PHACTR1: variants seen among roughly 807,000 people sequenced by gnomAD.
The protein encoded by PHACTR1 is phosphatase and actin regulator 1.
In PHACTR1, 16 loss-of-function variants were observed where a neutral mutation model predicts 69.2. The ratio of observed to expected loss-of-function variants is 0.23; its 90% confidence interval spans 0.16 to 0.35. The LOEUF (loss-of-function observed/expected upper bound fraction) is 0.35. PHACTR1 is among the 10% of genes least tolerant of loss of function. PHACTR1 has a pLI of 1.00. For synonymous variants in PHACTR1, 312 were observed against 284.5 expected, an observed-to-expected ratio of 1.10 and a Z score of -0.97; for missense variants, 510 against 734.7, an observed-to-expected ratio of 0.69 and a Z score of 3.54.
intron 5 of PHACTR1, among the ~76,000 whole-genome samples, chr6:13,069,039 A>G (rs1225839203): frequency 6.6e-6 from 1 of 152,204 alleles, no homozygotes; most frequent in Non-Finnish European, 1.5e-5. Flanking sequence ...ACAAAACCAC[A>G]GAGACAGATG....
In PHACTR1 at chr6:13,026,204, G is replaced by A. The variant is rs116459726; in HGVS notation, c.251-27161G>A. ...AAAGCAAGTATGGCTTATTTTTATT[G>A]CAGAAATCTAAGAGTGCAATTCCTG... On this transcript the variant is annotated intron_variant, in intron 4 of 14. Transcript: ENST00000332995. Among the ~76,000 whole-genome samples, 817 of 152,252 alleles carry A rather than the reference G, an allele frequency of 5.4e-3. 11 individuals carry two copies. The highest frequency in any genetic ancestry group is 0.019 in the African/African-American group (783 of 41,546).
rs1766342536 is a variant in PHACTR1 at position 12,749,807 on chromosome 6, C to CG, written c.250+18dup. 1 of 1,569,102 alleles carries CG rather than the reference C, an allele frequency of 6.4e-7. No homozygotes were observed. Among genetic ancestry groups the CG allele is most frequent in the African/African-American group, 1.3e-5 (1 of 74,122 alleles). On this transcript the variant is annotated intron_variant, in intron 4 of 14. Coordinates refer to ENST00000332995, the MANE Select transcript of PHACTR1 (RefSeq NM_030948.6). ...TGGGGGCAGGTAAGAACGCCCCTGG[C>CG]GCCGCGCCCCCGCCCCCGCCCTGCT...
At chr6:13,007,287 C>A (rs569053394) in intron 4 of PHACTR1, among the ~76,000 whole-genome samples, 55 of 152,148 alleles carry the variant, frequency 3.6e-4, no homozygotes, top group African/African-American at 1.2e-3. Context: ...GTGTCTAAAT[C>A]TGCCAAAAAG....
chr6:13,142,212 C>T (rs757782536), intron 5 of PHACTR1, among the ~76,000 whole-genome samples: 1 of 152,214 alleles, frequency 6.6e-6, no homozygotes, highest in Non-Finnish European at 1.5e-5. Flanking sequence ...AAGCAATTCT[C>T]CTGACTCAGC....
At chr6:12,940,220 G>A (rs755703668) in intron 4 of PHACTR1, among the ~76,000 whole-genome samples, 4 of 152,142 alleles carry the variant, frequency 2.6e-5, no homozygotes, top group Non-Finnish European at 4.4e-5. Flanking sequence ...AGCTAATTAG[G>A]GAATGATTTT....
intron 4 of PHACTR1, among the ~76,000 whole-genome samples, chr6:12,776,316 A>T (rs527932069): frequency 8.5e-5 from 13 of 152,262 alleles, no homozygotes; most frequent in African/African-American, 3.1e-4. Context: ...TACCGTTTAC[A>T]ATTTAATTTG....
At chr6:13,183,816 A>G (rs1762493919) in intron 7 of PHACTR1, among the ~76,000 whole-genome samples, 1 of 152,176 alleles carries the variant, frequency 6.6e-6, no homozygotes, top group Non-Finnish European at 1.5e-5. Flanking sequence ...TGACTGTTAT[A>G]GTAAAAATCT....
intron 10 of PHACTR1, among the ~76,000 whole-genome samples, chr6:13,261,804 C>G (rs1199059433): frequency 1.3e-5 from 2 of 152,126 alleles, no homozygotes; most frequent in Non-Finnish European, 2.9e-5. Flanking sequence ...AAGCTTTAAG[C>G]TGTAACGTTA....
chr6:12,991,609 T>G (rs1796828385), intron 4 of PHACTR1, among the ~76,000 whole-genome samples: 1 of 152,194 alleles, frequency 6.6e-6, no homozygotes, highest in South Asian at 2.1e-4. Context: ...AAAAAATAAC[T>G]ATAACTGAAC....
At chr6:12,845,016 CT>C (rs1779062791) in intron 4 of PHACTR1, among the ~76,000 whole-genome samples, 2 of 152,094 alleles carry the variant, frequency 1.3e-5, no homozygotes, top group Admixed American at 6.6e-5. Flanking sequence ...CCCTTCTCCC[CT>C]GGTATAAGAT....
At chr6:13,230,900 C>T (rs1048170411) in intron 10 of PHACTR1, among the ~76,000 whole-genome samples, 4 of 151,994 alleles carry the variant, frequency 2.6e-5, no homozygotes, top group African/African-American at 4.8e-5. Context: ...CCTGTGGTCC[C>T]GGCTACATGG....
At chr6:12,919,376 C>T (rs539361119) in intron 4 of PHACTR1, among the ~76,000 whole-genome samples, 5 of 151,624 alleles carry the variant, frequency 3.3e-5, no homozygotes, top group South Asian at 4.2e-4. Flanking sequence ...CTCCTGATCG[C>T]GTGATCTGCC....
At chr6:12,793,742 A>G (rs1248533954) in intron 4 of PHACTR1, among the ~76,000 whole-genome samples, 3 of 152,210 alleles carry the variant, frequency 2.0e-5, no homozygotes, top group Non-Finnish European at 4.4e-5. Context: ...ATAGATAAAT[A>G]TATGGTCTGA....
chr6:13,262,344 C>T (rs964382853), intron 10 of PHACTR1, among the ~76,000 whole-genome samples: 1 of 152,038 alleles, frequency 6.6e-6, no homozygotes, highest in African/African-American at 2.4e-5. Flanking sequence ...CATTTGGGAC[C>T]CTTTAAGTCT....
chr6:12,727,750 C>T (rs1762985389), intron 3 of PHACTR1, among the ~76,000 whole-genome samples: 1 of 152,140 alleles, frequency 6.6e-6, no homozygotes, highest in African/African-American at 2.4e-5. Context: ...GTTGGTACCA[C>T]CCTTTGTGCC....
chr6:13,232,359 G>C (rs1432631525), intron 10 of PHACTR1, among the ~76,000 whole-genome samples: 1 of 152,180 alleles, frequency 6.6e-6, no homozygotes, highest in Non-Finnish European at 1.5e-5. Context: ...ATATTGTAAT[G>C]GTACAGGGCT....
chr6:13,044,705 C>T (rs1335667694), intron 4 of PHACTR1, among the ~76,000 whole-genome samples: 2 of 152,182 alleles, frequency 1.3e-5, no homozygotes, highest in South Asian at 2.1e-4. Flanking sequence ...TGGTAGATTC[C>T]GGATCTGGAC....
intron 4 of PHACTR1, among the ~76,000 whole-genome samples, chr6:12,953,507 A>G (rs986126668): frequency 1.3e-5 from 2 of 152,250 alleles, no homozygotes; most frequent in Admixed American, 6.5e-5. Flanking sequence ...GTTAACAAAT[A>G]TGTAACCCTG....
intron 8 of PHACTR1, among the ~76,000 whole-genome samples, chr6:13,210,103 G>C (rs1432048094): frequency 6.6e-6 from 1 of 152,152 alleles, no homozygotes; most frequent in Non-Finnish European, 1.5e-5. Context: ...GACCTTCCAG[G>C]CTCAAGCAAT....
Sources: gnomAD v4.1 joint callset for allele counts (sites outside exome capture counted in the v4.1 genomes callset) on GRCh38, gnomAD v4.1.1 for gene constraint, MANE v1.5 for transcripts, NCBI Gene and HGNC (gene_info 2026-07-23, HGNC 2026-07-21) for gene names.